PDZD2: variants seen among roughly 807,000 people sequenced by gnomAD.
The protein encoded by PDZD2 is PDZ domain containing 2.
A neutral mutation model predicts 220.7 loss-of-function variants in PDZD2; 90 were observed. That is an observed-to-expected ratio of 0.41 (90% CI 0.34 to 0.49). The LOEUF (loss-of-function observed/expected upper bound fraction) is 0.49. Among genes scored for constraint, PDZD2 ranks in the 20% least tolerant of loss-of-function variants. PDZD2 has a pLI of 0.28. For synonymous variants in PDZD2, 1,375 were observed against 1,450.5 expected (o/e 0.95, Z 1.18); for missense variants, 3,174 against 3,608.5 (o/e 0.88, Z 3.08).
intron 1 of PDZD2, among the ~76,000 whole-genome samples, chr5:31,761,051 G>T (rs1222088432): frequency 1.3e-5 from 2 of 152,212 alleles, no homozygotes; most frequent in Non-Finnish European, 2.9e-5. Context: ...TCCGTGTGGG[G>T]AGGGGCACAT....
chr5:31,862,088 GTT>G lies in PDZD2; in HGVS notation c.476+62373_476+62374del, dbSNP rs1211203731. ...GATTGCTCATGTTAATAGACTCAAT[GTT>G]TTTTTTTTGGGTTTTTTTTTTTTTT... is the stretch of plus-strand genomic sequence containing the variant. On this transcript the variant is annotated intron_variant, in intron 2 of 24. Transcript: ENST00000438447. Among the ~76,000 whole-genome samples, 24 of 108,510 alleles carry G rather than the reference GTT, an allele frequency of 2.2e-4. 1 individual carries two copies. In the South Asian group the frequency reaches 4.7e-3, roughly 21 times the overall value. 71.2% of individuals were successfully genotyped at this position (108,510 alleles called of 152,430 possible). A position where few individuals can be genotyped will look rare whatever the true frequency, so the allele number is the denominator to read the frequency against.
intron 19 of PDZD2, 56 bp downstream of exon 19, chr5:32,077,662 A>T: frequency 6.4e-7 from 1 of 1,573,856 alleles, no homozygotes; most frequent in African/African-American, 1.3e-5. Context: ...TACCCTAATG[A>T]AAGCATTATA....
chr5:31,818,137 TG>T (rs1261075070), intron 2 of PDZD2, among the ~76,000 whole-genome samples: 2 of 151,790 alleles, frequency 1.3e-5, no homozygotes. Context: ...GCCTGGCTAA[TG>T]TTTTGTGTTT....
At chr5:32,015,545 C>T (rs1445346361) in intron 6 of PDZD2, among the ~76,000 whole-genome samples, 2 of 152,188 alleles carry the variant, frequency 1.3e-5, no homozygotes, top group African/African-American at 4.8e-5. Context: ...AGCCACCTCG[C>T]CTGGCCATGC....
At chr5:31,706,194 G>C (rs1747813307) in intron 1 of PDZD2, among the ~76,000 whole-genome samples, 1 of 152,200 alleles carries the variant, frequency 6.6e-6, no homozygotes, top group African/African-American at 2.4e-5. Context: ...AATGAATGAG[G>C]TGGCCAAGAT....
chr5:32,091,225 G>A, intron 20 of PDZD2, 50 bp downstream of exon 20: 1 of 1,385,688 alleles, frequency 7.2e-7, no homozygotes, highest in Non-Finnish European at 9.7e-7. Flanking sequence ...TTTCATTTTG[G>A]AATAGTTTTA....
At chr5:32,031,850 C>T (rs1434089015) in intron 6 of PDZD2, among the ~76,000 whole-genome samples, 2 of 152,104 alleles carry the variant, frequency 1.3e-5, no homozygotes, top group African/African-American at 4.8e-5. Flanking sequence ...AACATAAATA[C>T]GATTGTTCCT....
chr5:31,901,848 T>C (rs1335582147), intron 2 of PDZD2, among the ~76,000 whole-genome samples: 1 of 152,220 alleles, frequency 6.6e-6, no homozygotes, highest in East Asian at 1.9e-4. Flanking sequence ...GGACACTTCA[T>C]GTAAATGAAA....
At chr5:31,989,807 C>G (rs745377248) in intron 3 of PDZD2, among the ~76,000 whole-genome samples, 1 of 152,116 alleles carries the variant, frequency 6.6e-6, no homozygotes, top group East Asian at 1.9e-4. Flanking sequence ...GTGAATAGTG[C>G]AGGGCGGGGC....
intron 1 of PDZD2, among the ~76,000 whole-genome samples, chr5:31,685,877 A>G (rs1184589119): frequency 6.6e-6 from 1 of 151,576 alleles, no homozygotes; most frequent in Non-Finnish European, 1.5e-5. Flanking sequence ...TGTTTTTACT[A>G]TGTATTTATG....
chr5:31,876,383 C>T (rs1334766296), intron 2 of PDZD2, among the ~76,000 whole-genome samples: 1 of 151,258 alleles, frequency 6.6e-6, no homozygotes, highest in Non-Finnish European at 1.5e-5. Context: ...ACCTCTGCCT[C>T]TTGGGTTCAA....
intron 1 of PDZD2, among the ~76,000 whole-genome samples, chr5:31,705,508 G>A (rs1032848104): frequency 2.0e-5 from 3 of 152,008 alleles, no homozygotes; most frequent in Non-Finnish European, 4.4e-5. Flanking sequence ...AATGTGCTTG[G>A]TATTTTATAC....
At chr5:31,881,079 C>G (rs1049442894) in intron 2 of PDZD2, among the ~76,000 whole-genome samples, 4 of 151,894 alleles carry the variant, frequency 2.6e-5, no homozygotes, top group African/African-American at 7.3e-5. Context: ...GGATTACAGG[C>G]ATATGCCACC....
intron 8 of PDZD2, among the ~76,000 whole-genome samples, chr5:32,048,934 G>A (rs1305946228): frequency 6.6e-6 from 1 of 152,126 alleles, no homozygotes; most frequent in Non-Finnish European, 1.5e-5. Context: ...GAACCTAGAG[G>A]TGCTTTCAAT....
intron 2 of PDZD2, among the ~76,000 whole-genome samples, chr5:31,801,585 G>A (rs1017592831): frequency 6.6e-6 from 1 of 152,180 alleles, no homozygotes; most frequent in Non-Finnish European, 1.5e-5. Flanking sequence ...GGGACATCCA[G>A]CAGGAGGACG....
At chr5:31,664,054 G>T (rs186947914) in intron 1 of PDZD2, among the ~76,000 whole-genome samples, 6 of 152,162 alleles carry the variant, frequency 3.9e-5, no homozygotes, top group Admixed American at 3.9e-4. Context: ...GATATAGAGG[G>T]GTCTCTTACT....
At chr5:31,895,293 G>T (rs1266964413) in intron 2 of PDZD2, among the ~76,000 whole-genome samples, 1 of 152,186 alleles carries the variant, frequency 6.6e-6, no homozygotes, top group Non-Finnish European at 1.5e-5. Context: ...AGGAGGTGGG[G>T]CTTTTTGGAG....
intron 1 of PDZD2, among the ~76,000 whole-genome samples, chr5:31,784,451 A>C (rs1250546850): frequency 6.6e-6 from 1 of 152,256 alleles, no homozygotes; most frequent in Non-Finnish European, 1.5e-5. Context: ...ATCAAATCAC[A>C]GTGATCTTGT....
chr5:32,069,709 A>C, intron 15 of PDZD2, 59 bp downstream of exon 15: 2 of 857,822 alleles, frequency 2.3e-6, no homozygotes, highest in South Asian at 2.7e-5. Flanking sequence ...AAGTTCACCC[A>C]CAGGCACTCC....
Sources: allele counts gnomAD v4.1 joint callset (sites outside exome capture counted in the v4.1 genomes callset), GRCh38; gene constraint gnomAD v4.1.1; transcripts MANE v1.5; gene names NCBI Gene and HGNC (gene_info 2026-07-23, HGNC 2026-07-21).